The following ADGRD2 variants were observed in gnomAD, a reference collection of about 807,000 sequenced individuals.
ADGRD2 encodes adhesion G protein-coupled receptor D2.
ADGRD2 carries 71 observed loss-of-function variants against 44.4 expected under a neutral mutation model. The observed-to-expected ratio is 1.60, with a 90% confidence interval of 1.32 to 1.95. The LOEUF (loss-of-function observed/expected upper bound fraction) is 1.95. Ranked by LOEUF, ADGRD2 falls within the 30% of genes most tolerant of loss-of-function variation. The pLI is 0.00. For synonymous variants in ADGRD2, 481 were observed against 224.8 expected (o/e 2.14, Z -10.19); for missense variants, 1,039 against 512.4 (o/e 2.03, Z -9.92).
At chr9:124,451,647 C>T (rs1831471812), upstream of ADGRD2, 3 of 267,472 alleles carry the variant, frequency 1.1e-5, no homozygotes, top group Non-Finnish European at 2.2e-5. Flanking sequence ...CTGTCTGTCA[C>T]CTGCTCCGTT....
intron 10 of ADGRD2, among the ~76,000 whole-genome samples, chr9:124,463,221 G>A (rs779080009): frequency 2.6e-5 from 4 of 152,080 alleles, no homozygotes; most frequent in Non-Finnish European, 5.9e-5. Context: ...TTTGTCAGAT[G>A]TTTCTTGCAT....
In ADGRD2 at chr9:124,466,430, AG is replaced by A. The variant is rs747352790; in HGVS notation, c.2026+23del. On this transcript the variant is annotated intron_variant, in intron 11 of 21. Transcript: ENST00000334810. ...GAAGTACAGGTGAGTGCACGGTGGG[AG>A]GGGGGTGTCAGGAGGGGGCTTCTTA... The A allele has an allele frequency of 1.9e-5, 13 of 667,668 alleles. No homozygotes were observed. Among genetic ancestry groups the A allele is most frequent in the Non-Finnish European group, 3.1e-5 (11 of 354,652 alleles). The allele number at this position is 667,668 out of a possible 1,614,324, so 41.4% of individuals were successfully genotyped here.
exon 3 of ADGRD2, chr9:124,453,285 G>A (rs1046966901): frequency 1.8e-5 from 9 of 492,722 alleles, no homozygotes; most frequent in Admixed American, 4.4e-5. Flanking sequence ...GGCAGCACGC[G>A]CCCTTCCTCG....
chr9:124,453,492 T>C, exon 3 of ADGRD2: 1 of 702,518 alleles, frequency 1.4e-6, no homozygotes, highest in South Asian at 1.5e-5. Flanking sequence ...TCTCGGTGCG[T>C]CACGCCCTCA....
intron 11 of ADGRD2, 63 bp downstream of exon 14, chr9:124,466,476 G>C: frequency 1.6e-6 from 1 of 612,588 alleles, no homozygotes; most frequent in Non-Finnish European, 3.1e-6. Context: ...GAAGAGAAGA[G>C]CCAATAGGTA....
chr9:124,453,125 T>G (rs1361290300), exon 3 of ADGRD2: 1 of 701,738 alleles, frequency 1.4e-6, no homozygotes, highest in Non-Finnish European at 2.6e-6. Context: ...CTGGCAGCGC[T>G]GACCGCGTGT....
At position 124,452,254 on chromosome 9, in the gene ADGRD2, A is replaced by G; in HGVS notation, c.68+96A>G. 1.1e-5 allele frequency: 7 copies of G among 637,700 alleles called. No homozygotes were observed. The South Asian group carries it at 1.3e-4, about 12-fold the overall frequency. The allele number at this position is 637,700 out of a possible 1,614,324, so 39.5% of individuals were successfully genotyped here. On this transcript the variant is annotated intron_variant, in intron 1 of 21. Transcript: ENST00000334810. ...GGCCTAGAATGCAAAGGAGGGGAAG[A>G]GTAACATTTAGTTCCACCCCCACCA...
chr9:124,453,814 T>A, intron 3 of ADGRD2, 138 bp downstream of exon 6: 1 of 609,392 alleles, frequency 1.6e-6, no homozygotes, highest in Non-Finnish European at 2.9e-6. Context: ...GCCTGCAAGC[T>A]CCAGCATAAA....
At chr9:124,451,997 G>GCCGGGGGGGGCCCCCCCCC, upstream of ADGRD2, 2 of 360,938 alleles carry the variant, frequency 5.5e-6, no homozygotes, top group East Asian at 9.0e-5. Flanking sequence ...TCCACTGAAT[G>GCCGGGGGGGGCCCCCCCCC]CCCCCCTCCC....
At chr9:124,477,716 G>T (rs1235107058) in intron 21 of ADGRD2, among the ~76,000 whole-genome samples, 2 of 152,162 alleles carry the variant, frequency 1.3e-5, no homozygotes, top group Non-Finnish European at 2.9e-5. Flanking sequence ...CGGTCCCGGG[G>T]AGTCTCAGCT....
intron 7 of ADGRD2, among the ~76,000 whole-genome samples, chr9:124,457,205 G>T (rs373352839): frequency 1.3e-5 from 2 of 152,214 alleles, no homozygotes; most frequent in Admixed American, 6.5e-5. Context: ...GTACAAACAC[G>T]TGTCCTTCGG....
At chr9:124,462,671 G>T (rs1588604046) in intron 10 of ADGRD2, among the ~76,000 whole-genome samples, 1 of 152,066 alleles carries the variant, frequency 6.6e-6, no homozygotes, top group African/African-American at 2.4e-5. Flanking sequence ...TACCGGAAAT[G>T]ATATTGTTTT....
At chr9:124,460,388 A>ATTTT (rs1554718954) in intron 10 of ADGRD2, among the ~76,000 whole-genome samples, 4,620 of 145,192 alleles carry the variant, frequency 0.032, 258 homozygotes, top group African/African-American at 0.11. Flanking sequence ...ATATATATAT[A>ATTTT]TTTTTTTTTA....
chr9:124,478,468 A>AGGTC (rs1297030591), exon 22 of ADGRD2: 4 of 152,264 alleles, frequency 2.6e-5, no homozygotes, highest in African/African-American at 9.7e-5. Flanking sequence ...CTAGCCCACC[A>AGGTC]GGTCCCCAGG....
At chr9:124,469,063 C>T (rs1831889321) in intron 14 of ADGRD2, among the ~76,000 whole-genome samples, 159 bp from the exon 18 acceptor site, 1 of 152,192 alleles carries the variant, frequency 6.6e-6, no homozygotes, top group African/African-American at 2.4e-5. Flanking sequence ...CAATGCCACC[C>T]CAACAGCATC....
At chr9:124,462,044 G>C (rs1285057039) in intron 10 of ADGRD2, among the ~76,000 whole-genome samples, 2 of 151,358 alleles carry the variant, frequency 1.3e-5, no homozygotes, top group East Asian at 3.9e-4. Flanking sequence ...ACGGTGCCTG[G>C]CCTAACTTTG....
chr9:124,459,305 A>G (rs969246389), intron 10 of ADGRD2, among the ~76,000 whole-genome samples: 1 of 152,190 alleles, frequency 6.6e-6, no homozygotes, highest in African/African-American at 2.4e-5. Context: ...CAGCCTGGTC[A>G]ACATGGTGAA....
chr9:124,478,074 T>A (rs1264308799), intron 21 of ADGRD2, among the ~76,000 whole-genome samples: 1 of 151,962 alleles, frequency 6.6e-6, no homozygotes, highest in Non-Finnish European at 1.5e-5. Context: ...GCTGCCGGGC[T>A]GTGTCCTTCG....
chr9:124,460,932 A>C (rs1180691145), intron 10 of ADGRD2, among the ~76,000 whole-genome samples: 1 of 152,194 alleles, frequency 6.6e-6, no homozygotes. Context: ...GCAGCATTGG[A>C]GAGTTCCAGT....
Sources: allele counts gnomAD v4.1 joint callset (sites outside exome capture counted in the v4.1 genomes callset), GRCh38; gene constraint gnomAD v4.1.1; transcripts MANE v1.5; gene names NCBI Gene and HGNC (gene_info 2026-07-23, HGNC 2026-07-21).